C8orf34: variants seen among roughly 807,000 people sequenced by gnomAD.
The protein encoded by C8orf34 is chromosome 8 open reading frame 34.
Under a neutral mutation model 68.3 loss-of-function variants are expected in C8orf34, and 65 were observed. The ratio of observed to expected loss-of-function variants is 0.95; its 90% CI spans 0.78 to 1.17. The LOEUF (loss-of-function observed/expected upper bound fraction) is 1.17. C8orf34 is among the 50% of genes most tolerant of loss of function. C8orf34 has a pLI of 0.00. For synonymous variants in C8orf34, 244 were observed against 241.2 expected, an observed-to-expected ratio of 1.01 and a Z score of -0.11; for missense variants, 664 against 655.4, an observed-to-expected ratio of 1.01 and a Z score of -0.14.
intron 7 of C8orf34, among the ~76,000 whole-genome samples, chr8:68,537,029 CACTT>C (rs1383687277): frequency 6.6e-6 from 1 of 152,068 alleles, no homozygotes; most frequent in African/African-American, 2.4e-5. Flanking sequence ...GATCATTTGA[CACTT>C]TCTTTCTTAT....
intron 7 of C8orf34, among the ~76,000 whole-genome samples, chr8:68,574,040 C>T (rs1816830768): frequency 6.6e-6 from 1 of 152,038 alleles, no homozygotes; most frequent in Admixed American, 6.6e-5. Context: ...ACCCATTTCC[C>T]AAATTTATTT....
At chr8:68,807,004 C>T (rs1458130745) in intron 12 of C8orf34, among the ~76,000 whole-genome samples, 2 of 152,192 alleles carry the variant, frequency 1.3e-5, no homozygotes, top group Non-Finnish European at 2.9e-5. Flanking sequence ...AGAGTTTATT[C>T]AAGGCTGCAG....
At chr8:68,544,722 A>G (rs1270111283) in intron 7 of C8orf34, among the ~76,000 whole-genome samples, 1 of 152,176 alleles carries the variant, frequency 6.6e-6, no homozygotes, top group African/African-American at 2.4e-5. Context: ...GAACCAAAGA[A>G]GAGTCTAGAA....
At chr8:68,486,741 T>C (rs1436096058) in intron 4 of C8orf34, among the ~76,000 whole-genome samples, 1 of 152,216 alleles carries the variant, frequency 6.6e-6, no homozygotes, top group African/African-American at 2.4e-5. Context: ...TCACTCTTTC[T>C]ACTGAGGTTC....
chr8:68,608,926 G>C (rs927227499), intron 7 of C8orf34, among the ~76,000 whole-genome samples: 1 of 152,092 alleles, frequency 6.6e-6, no homozygotes, highest in African/African-American at 2.4e-5. Context: ...CCAGCATTTT[G>C]GGGGGCCAAG....
At chr8:68,514,125 T>C (rs1814402078) in intron 5 of C8orf34, among the ~76,000 whole-genome samples, 1 of 151,924 alleles carries the variant, frequency 6.6e-6, no homozygotes, top group African/African-American at 2.4e-5. Flanking sequence ...GAGTAAGACA[T>C]GGTTTTATTG....
intron 12 of C8orf34, among the ~76,000 whole-genome samples, chr8:68,790,571 C>T (rs978434629): frequency 6.6e-6 from 1 of 151,982 alleles, no homozygotes; most frequent in Non-Finnish European, 1.5e-5. Flanking sequence ...ATATTGTGAA[C>T]AATTAAATAG....
At chr8:68,671,606 A>G (rs556267769) in intron 8 of C8orf34, among the ~76,000 whole-genome samples, 2 of 152,290 alleles carry the variant, frequency 1.3e-5, no homozygotes, top group South Asian at 4.1e-4. Context: ...TCAGCACCAC[A>G]TTTACCTTAG....
At chr8:68,744,107 C>A (rs529088741) in intron 10 of C8orf34, among the ~76,000 whole-genome samples, 20 of 152,294 alleles carry the variant, frequency 1.3e-4, no homozygotes, top group Admixed American at 1.2e-3. Flanking sequence ...CTGGGAGGTA[C>A]CACCCAGCAG....
chr8:68,649,713 C>G (rs993232690), intron 8 of C8orf34, among the ~76,000 whole-genome samples: 1 of 152,146 alleles, frequency 6.6e-6, no homozygotes, highest in Non-Finnish European at 1.5e-5. Context: ...GGAGGGAGGG[C>G]CTTTTATGCA....
At chr8:68,597,393 G>C (rs894196824) in intron 7 of C8orf34, among the ~76,000 whole-genome samples, 2 of 152,082 alleles carry the variant, frequency 1.3e-5, no homozygotes, top group African/African-American at 4.8e-5. Context: ...ATTTTGTAGG[G>C]AATGTCTTCA....
At chr8:68,670,106 AG>A (rs1424034863) in intron 8 of C8orf34, among the ~76,000 whole-genome samples, 2 of 152,170 alleles carry the variant, frequency 1.3e-5, no homozygotes, top group Non-Finnish European at 2.9e-5. Flanking sequence ...GTATACTGAT[AG>A]GTTAGATCCC....
chr8:68,573,810 C>T (rs1290778595), intron 7 of C8orf34, among the ~76,000 whole-genome samples: 1 of 152,026 alleles, frequency 6.6e-6, no homozygotes, highest in Non-Finnish European at 1.5e-5. Flanking sequence ...TTGCATTTAG[C>T]TTTTTCTTTG....
chr8:68,797,597 C>T (rs1450060215), intron 12 of C8orf34, among the ~76,000 whole-genome samples: 1 of 151,974 alleles, frequency 6.6e-6, no homozygotes. Flanking sequence ...TGTTTCCAGG[C>T]AGTCTCCCAA....
chr8:68,358,494 AC>A (rs1485306788), intron 1 of C8orf34, among the ~76,000 whole-genome samples: 1 of 151,156 alleles, frequency 6.6e-6, no homozygotes, highest in Non-Finnish European at 1.5e-5. Context: ...GTTTATTTTC[AC>A]CACATCTCTC....
At chr8:68,384,158 AC>A (rs1808156731) in intron 1 of C8orf34, among the ~76,000 whole-genome samples, 2 of 152,182 alleles carry the variant, frequency 1.3e-5, no homozygotes, top group South Asian at 2.1e-4. Flanking sequence ...ATTTTCTAAG[AC>A]TATTATTTTT....
chr8:68,593,688 C>CT (rs1478457869), intron 7 of C8orf34, among the ~76,000 whole-genome samples: 1 of 151,800 alleles, frequency 6.6e-6, no homozygotes, highest in Non-Finnish European at 1.5e-5. Flanking sequence ...CTTTTTCTGT[C>CT]TTGCCAAAGA....
Position 68,358,476 on chromosome 8 carries a change from C to T in C8orf34, c.327+27137C>T, listed in dbSNP as rs1806840715. On this transcript the variant is annotated intron_variant, in intron 1 of 13. Transcript: ENST00000518698. ...CTCAATCCCAATAGCCTCCTTCATG[C>T]CACAATAGTTTATTTTCACCACATC... Among the ~76,000 whole-genome samples, 5 of 151,276 alleles carry T rather than the reference C, an allele frequency of 3.3e-5. No individual in the cohort carries two copies. The South Asian group carries it at 1.0e-3, about 32-fold the overall frequency.
At chr8:68,784,090 T>C (rs1823773685) in intron 11 of C8orf34, among the ~76,000 whole-genome samples, 1 of 152,148 alleles carries the variant, frequency 6.6e-6, no homozygotes, top group Admixed American at 6.6e-5. Context: ...AGGTTTTCCC[T>C]GTCATTTTCT....
Sources: gnomAD v4.1 joint callset for allele counts (sites outside exome capture counted in the v4.1 genomes callset) on GRCh38, gnomAD v4.1.1 for gene constraint, MANE v1.5 for transcripts, NCBI Gene and HGNC (gene_info 2026-07-23, HGNC 2026-07-21) for gene names.